ABCA5: variants seen among roughly 807,000 people sequenced by gnomAD.
The protein encoded by ABCA5 is cholesterol transporter ABCA5.
ABCA5 carries 163 observed loss-of-function variants against 206.0 expected under a neutral mutation model. The observed-to-expected ratio is 0.79, with a 90% CI of 0.70 to 0.90. The LOEUF (loss-of-function observed/expected upper bound fraction) is 0.90. Among genes scored for constraint, ABCA5 ranks in the 40% least tolerant of loss-of-function variants. The pLI, the probability that ABCA5 is intolerant of heterozygous loss-of-function variation, is 0.00. For synonymous variants in ABCA5, 609 were observed against 613.8 expected, an observed-to-expected ratio of 0.99 and a Z score of 0.11; for missense variants, 1,859 against 1,912.9, an observed-to-expected ratio of 0.97 and a Z score of 0.53.
chr17:69,292,693 T>C (rs990745970), intron 11 of ABCA5, among the ~76,000 whole-genome samples: 16 of 152,186 alleles, frequency 1.1e-4, no homozygotes, highest in Non-Finnish European at 4.4e-5. Context: ...GGAGGTTATA[T>C]ATAATCTCCA....
At chr17:69,323,551 C>T (rs1046982656) in intron 1 of ABCA5, among the ~76,000 whole-genome samples, 12 of 152,308 alleles carry the variant, frequency 7.9e-5, no homozygotes, top group South Asian at 4.1e-4. Flanking sequence ...CTGATTATCA[C>T]TCCTTTGTTT....
intron 22 of ABCA5, chr17:69,268,930 G>A (rs138733558): frequency 4.4e-4 from 67 of 152,240 alleles, no homozygotes; most frequent in African/African-American, 1.4e-3. Flanking sequence ...TGAAACTCTC[G>A]TAATATGACA....
At chr17:69,293,134 C>T (rs967580905) in intron 11 of ABCA5, among the ~76,000 whole-genome samples, 5 of 151,254 alleles carry the variant, frequency 3.3e-5, no homozygotes, top group East Asian at 1.9e-4. Flanking sequence ...TGTTTAGCAG[C>T]GTGTCAGTCA....
At chr17:69,261,924 AAAGC>A (rs1350527281) in intron 24 of ABCA5, among the ~76,000 whole-genome samples, 176 bp from the exon 25 acceptor site, 5 of 152,166 alleles carry the variant, frequency 3.3e-5, no homozygotes, top group African/African-American at 1.2e-4. Flanking sequence ...ATTATTATAA[AAAGC>A]AAGTATAGCT....
chr17:69,283,756 T>A (rs150663106), intron 18 of ABCA5, among the ~76,000 whole-genome samples, 197 bp downstream of exon 18: 4 of 151,646 alleles, frequency 2.6e-5, no homozygotes, highest in Non-Finnish European at 5.9e-5. Flanking sequence ...CCTGATGATA[T>A]AATCTAAGTT....
At chr17:69,275,082 G>T (rs1341244380) in intron 19 of ABCA5, among the ~76,000 whole-genome samples, 1 of 151,984 alleles carries the variant, frequency 6.6e-6, no homozygotes, top group Non-Finnish European at 1.5e-5. Flanking sequence ...GGCCTCAAGT[G>T]ATCCAGCTGC....
At chr17:69,322,910 C>G (rs1419775457) in intron 1 of ABCA5, among the ~76,000 whole-genome samples, 1 of 152,150 alleles carries the variant, frequency 6.6e-6, no homozygotes, top group South Asian at 2.1e-4. Flanking sequence ...TTAGAGCCAT[C>G]CTGATAAGAA....
chr17:69,287,481 G>T lies in ABCA5; in HGVS notation c.2041+132C>A, dbSNP rs369892637. On this transcript the variant is annotated intron_variant, in intron 15 of 38. Transcript: ENST00000392676. ...AAATGTATCATTTTAAAATTTTTTAGAACTTTTTTTGTGAAGGAAACATAC... is the reference window on the plus strand; with the variant it reads ...AAATGTATCATTTTAAAATTTTTTATAACTTTTTTTGTGAAGGAAACATAC... 2.8e-4 allele frequency: 358 copies of T among 1,274,500 alleles called. 3 individuals are homozygous for T. In the African/African-American group the frequency reaches 4.9e-3, roughly 17 times the overall value. The allele number at this position is 1,274,500 out of a possible 1,614,324, so 78.9% of individuals were successfully genotyped here. A position where few individuals can be genotyped will look rare whatever the true frequency, so the allele number is the denominator to read the frequency against.
intron 14 of ABCA5, among the ~76,000 whole-genome samples, chr17:69,288,642 G>C (rs576984711): frequency 6.6e-6 from 1 of 151,800 alleles, no homozygotes; most frequent in East Asian, 1.9e-4. Context: ...GCAAAGGCGG[G>C]AGGATCGCTT....
At chr17:69,252,836 CAAAAAAAA>C (rs34161698) in intron 34 of ABCA5, among the ~76,000 whole-genome samples, 1 of 97,032 alleles carries the variant, frequency 1.0e-5, no homozygotes, top group East Asian at 3.1e-4. Context: ...GACTCTGACT[CAAAAAAAA>C]AAAAAAAAAA....
chr17:69,293,658 C>T (rs1055057662), intron 11 of ABCA5, among the ~76,000 whole-genome samples: 4 of 152,162 alleles, frequency 2.6e-5, no homozygotes, highest in African/African-American at 7.2e-5. Context: ...CAGACTCCTA[C>T]ATGAGTGTGC....
chr17:69,258,804 A>G (rs188753851), intron 28 of ABCA5, among the ~76,000 whole-genome samples: 27 of 152,272 alleles, frequency 1.8e-4, no homozygotes, highest in African/African-American at 6.3e-4. Context: ...CAATAATTAT[A>G]ATTTTTAGTG....
intron 38 of ABCA5, 60 bp from the exon 39 acceptor site, chr17:69,247,704 TTAAC>T (rs2074967150): frequency 1.1e-6 from 1 of 943,772 alleles, no homozygotes; most frequent in Admixed American, 2.4e-5. Flanking sequence ...CAAAGAACTT[TTAAC>T]TAAATCAGAA....
At chr17:69,260,488 T>C in intron 26 of ABCA5, 76 bp from the exon 27 acceptor site, 4 of 1,023,828 alleles carry the variant, frequency 3.9e-6, no homozygotes, top group Non-Finnish European at 5.8e-6. Flanking sequence ...AAATGTATTT[T>C]GTTTAGCAAA....
At chr17:69,277,564 T>A in intron 19 of ABCA5, 77 bp downstream of exon 19, 1 of 1,162,382 alleles carries the variant, frequency 8.6e-7, no homozygotes, top group East Asian at 2.7e-5. Context: ...GTTAACATTT[T>A]AAAAATTAAG....
intron 20 of ABCA5, among the ~76,000 whole-genome samples, chr17:69,273,393 CGTT>C (rs2075294225): frequency 2.0e-5 from 3 of 150,874 alleles, no homozygotes; most frequent in African/African-American, 7.3e-5. Flanking sequence ...GTAAGAATAA[CGTT>C]ATTATTAAAA....
At chr17:69,261,824 A>G in intron 24 of ABCA5, 76 bp from the exon 25 acceptor site, 1 of 520,222 alleles carries the variant, frequency 1.9e-6, no homozygotes, top group Non-Finnish European at 3.3e-6. Context: ...TAGCCATATT[A>G]AAATATGAAA....
chr17:69,267,849 TAAC>T (rs1201157366), intron 23 of ABCA5, 91 bp downstream of exon 23: 2 of 536,768 alleles, frequency 3.7e-6, no homozygotes, highest in South Asian at 3.5e-5. Flanking sequence ...ATTTCTGAAA[TAAC>T]AATTATACTA....
At chr17:69,269,509 T>C (rs1266250500) in intron 22 of ABCA5, among the ~76,000 whole-genome samples, 1 of 152,182 alleles carries the variant, frequency 6.6e-6, no homozygotes, top group East Asian at 1.9e-4. Flanking sequence ...GTGTTAAACA[T>C]AGAGTTACTA....
Sources: allele counts gnomAD v4.1 joint callset (sites outside exome capture counted in the v4.1 genomes callset), GRCh38; gene constraint gnomAD v4.1.1; transcripts MANE v1.5; gene names NCBI Gene and HGNC (gene_info 2026-07-23, HGNC 2026-07-21).